ANKRD55: variants seen among roughly 807,000 people sequenced by gnomAD.
The protein encoded by ANKRD55 is ankyrin repeat domain-containing protein 55.
ANKRD55 carries 41 observed loss-of-function variants against 60.6 expected under a neutral mutation model. The observed-to-expected ratio is 0.68, with a 90% CI of 0.53 to 0.88. ANKRD55 has a LOEUF of 0.88. Among genes scored for constraint, ANKRD55 ranks in the 40% least tolerant of loss-of-function variants. The probability of loss-of-function intolerance (pLI) is 0.00; values close to 1 mark genes in which losing one functional copy is unlikely to be tolerated. For missense variants in ANKRD55, 732 were observed against 767.6 expected (o/e 0.95, Z 0.55); for synonymous variants, 264 against 290.3 (o/e 0.91, Z 0.92).
intron 2 of ANKRD55, among the ~76,000 whole-genome samples, chr5:56,212,809 C>G (rs182468318): frequency 1.3e-5 from 2 of 152,222 alleles, no homozygotes; most frequent in East Asian, 3.9e-4. Flanking sequence ...ATCTATCAGA[C>G]AGCACATGGG....
chr5:56,228,738 T>C (rs1760177573), intron 2 of ANKRD55, among the ~76,000 whole-genome samples: 1 of 152,170 alleles, frequency 6.6e-6, no homozygotes, highest in Non-Finnish European at 1.5e-5. Context: ...TGCTGACATC[T>C]TGATTTCAGA....
chr5:56,137,831 A>T (rs561918438), intron 7 of ANKRD55, among the ~76,000 whole-genome samples: 2 of 152,350 alleles, frequency 1.3e-5, no homozygotes, highest in East Asian at 3.9e-4. Context: ...ACTCAACAGT[A>T]AGAAAACAAC....
intron 4 of ANKRD55, among the ~76,000 whole-genome samples, chr5:56,172,165 A>C (rs1758624286): frequency 6.6e-6 from 1 of 151,990 alleles, no homozygotes; most frequent in African/African-American, 2.4e-5. Flanking sequence ...CATGGAGAAG[A>C]AGGAAGATAA....
intron 2 of ANKRD55, among the ~76,000 whole-genome samples, chr5:56,228,057 T>C (rs1760162777): frequency 6.6e-6 from 1 of 152,188 alleles, no homozygotes; most frequent in South Asian, 2.1e-4. Flanking sequence ...TGACCTCTTC[T>C]CACTCCCTGC....
At chr5:56,230,124 T>C (rs1043941332) in intron 2 of ANKRD55, among the ~76,000 whole-genome samples, 6 of 151,958 alleles carry the variant, frequency 3.9e-5, no homozygotes, top group Admixed American at 3.3e-4. Flanking sequence ...TGAGACAGAG[T>C]CTTGCTCTGT....
intron 2 of ANKRD55, among the ~76,000 whole-genome samples, chr5:56,232,407 T>C (rs1760278439): frequency 6.6e-6 from 1 of 152,100 alleles, no homozygotes; most frequent in Non-Finnish European, 1.5e-5. Context: ...AAAAAATGCT[T>C]ACGAAGATAC....
intron 2 of ANKRD55, among the ~76,000 whole-genome samples, chr5:56,224,584 C>T (rs1186902163): frequency 6.6e-6 from 1 of 151,968 alleles, no homozygotes; most frequent in Non-Finnish European, 1.5e-5. Context: ...AATTGATAGA[C>T]CACTAGTAAG....
intron 11 of ANKRD55, among the ~76,000 whole-genome samples, chr5:56,102,251 G>C (rs762478832): frequency 1.4e-4 from 22 of 152,182 alleles, no homozygotes; most frequent in Non-Finnish European, 2.9e-4. Flanking sequence ...TTAGCCAGGC[G>C]TGGTGGCAGG....
intron 4 of ANKRD55, among the ~76,000 whole-genome samples, chr5:56,173,249 G>A (rs1204634766): frequency 1.3e-5 from 2 of 152,148 alleles, no homozygotes; most frequent in Admixed American, 6.5e-5. Context: ...CCAGGCTGGA[G>A]TACAGTGGCA....
At chr5:56,228,219 T>G (rs1291141348) in intron 2 of ANKRD55, among the ~76,000 whole-genome samples, 1 of 152,068 alleles carries the variant, frequency 6.6e-6, no homozygotes. Flanking sequence ...TTATCCTGGA[T>G]TATCTGGGTG....
rs11283204 is a variant in ANKRD55, at chr5:56,166,154, C to CTTTCTTTCTTTCT, written c.422+4539_422+4540insAGAAAGAAAGAAA. On this transcript the variant is annotated intron_variant, in intron 5 of 11. Coordinates refer to ENST00000341048, the MANE Select transcript of ANKRD55 (RefSeq NM_024669.3). ...TCTTTCTTTCTTTCTTTCTTTCTTT[C>CTTTCTTTCTTTCT]TTCTTTCCTTCCTTCCTTCCTTCCT... 1.1e-4 allele frequency among the ~76,000 whole-genome samples: 8 copies of CTTTCTTTCTTTCT among 71,474 alleles called. 1 individual carries two copies. The highest frequency in any genetic ancestry group is 5.2e-3 in the Middle Eastern group (1 of 194). 46.9% of individuals were successfully genotyped at this position (71,474 alleles called of 152,430 possible).
chr5:56,183,559 G>T lies in ANKRD55; in HGVS notation c.134C>A (p.Ala45Glu), dbSNP rs1758899103. The T allele has an allele frequency of 1.9e-6, 3 of 1,614,188 alleles. No individual in the cohort carries two copies. Among genetic ancestry groups the T allele is most frequent in the Non-Finnish European group, 2.5e-6 (3 of 1,180,034 alleles). ...GATAGAAGGGTCTTCCCGAATCACTGCAGTCAGAGCATTGACATCTCCATT... is the reference window on the plus strand; with the variant it reads ...GATAGAAGGGTCTTCCCGAATCACTTCAGTCAGAGCATTGACATCTCCATT... ...ASNGDVNALT[A>E]VIREDPSILE... Residue 45 changes from alanine (A) to glutamate (E), a missense_variant, in exon 3 of 12, where the codon GCA becomes GAA. This residue lies in a region of ANKRD55 where 131 missense variants were observed against 142.7 expected (regional missense o/e 0.92). Transcript: ENST00000341048.
intron 7 of ANKRD55, among the ~76,000 whole-genome samples, chr5:56,132,872 A>G (rs1410502292): frequency 6.8e-6 from 1 of 147,308 alleles, no homozygotes; most frequent in Non-Finnish European, 1.5e-5. Context: ...GTAGCTATAT[A>G]TTATAATTCT....
At chr5:56,206,270 T>C (rs1759507156) in intron 2 of ANKRD55, among the ~76,000 whole-genome samples, 1 of 152,108 alleles carries the variant, frequency 6.6e-6, no homozygotes, top group Non-Finnish European at 1.5e-5. Context: ...AGCCACCGCT[T>C]CTGGCCTCAA....
chr5:56,229,343 A>G (rs1760193318), intron 2 of ANKRD55, among the ~76,000 whole-genome samples: 1 of 152,070 alleles, frequency 6.6e-6, no homozygotes, highest in Non-Finnish European at 1.5e-5. Flanking sequence ...AGATGTTGCT[A>G]TGGTGAAAGC....
intron 5 of ANKRD55, among the ~76,000 whole-genome samples, chr5:56,170,151 T>C (rs1158747815): frequency 6.6e-6 from 1 of 152,200 alleles, no homozygotes; most frequent in East Asian, 1.9e-4. Flanking sequence ...TCCCAGCTCC[T>C]AGAGGCTGGC....
At chr5:56,182,085 T>C (rs1371398358) in intron 3 of ANKRD55, among the ~76,000 whole-genome samples, 1 of 152,208 alleles carries the variant, frequency 6.6e-6, no homozygotes. Context: ...GAAGAGATTA[T>C]GTGGAATCGA....
chr5:56,166,084 CTTTTTCTTTCTTTCTT>C lies in ANKRD55; in HGVS notation c.422+4594_422+4609del, dbSNP rs1261895702. On this transcript the variant is annotated intron_variant, in intron 5 of 11. Transcript: ENST00000341048. ...GCCACCCTTCAGGGATCTTTCTTTTCTTTTTCTTTCTTTCTTTCTTTCTTTCTTTCTTTCTTTCTTT... is the reference window on the plus strand; with the variant it reads ...GCCACCCTTCAGGGATCTTTCTTTTCTCTTTCTTTCTTTCTTTCTTTCTTT... Among the ~76,000 whole-genome samples the C allele has an allele frequency of 1.1e-3, 84 of 76,916 alleles. 1 individual carries two copies. Among genetic ancestry groups the C allele is most frequent in the African/African-American group, 4.2e-3 (74 of 17,732 alleles). 50.5% of individuals were successfully genotyped at this position (76,916 alleles called of 152,430 possible). A position where few individuals can be genotyped will look rare whatever the true frequency, so the allele number is the denominator to read the frequency against.
intron 8 of ANKRD55, among the ~76,000 whole-genome samples, chr5:56,122,137 A>G (rs532087768): frequency 6.6e-5 from 10 of 152,222 alleles, no homozygotes; most frequent in Non-Finnish European, 1.5e-4. Flanking sequence ...TTACTCTAAA[A>G]AAATGTTTCT....
Sources: gnomAD v4.1 joint callset for allele counts (sites outside exome capture counted in the v4.1 genomes callset) on GRCh38, gnomAD v4.1.1 for gene constraint, gnomAD v4.1.1 regional missense constraint, MANE v1.5 for transcripts, NCBI Gene and HGNC (gene_info 2026-07-23, HGNC 2026-07-21) for gene names.